The following GALNT14 variants were observed in gnomAD, a reference collection of about 807,000 sequenced individuals.
GALNT14 encodes the protein polypeptide N-acetylgalactosaminyltransferase 14.
In GALNT14, 60 loss-of-function variants were observed where a neutral mutation model predicts 77.5. The ratio of observed to expected loss-of-function variants is 0.77; its 90% CI spans 0.63 to 0.96. The LOEUF is 0.96. Among genes scored for constraint, GALNT14 ranks in the 40% least tolerant of loss-of-function variants. GALNT14 has a pLI of 0.00. For synonymous variants in GALNT14, 280 were observed against 281.7 expected (o/e 0.99, Z 0.06); for missense variants, 710 against 731.0 (o/e 0.97, Z 0.33).
At chr2:31,074,491 C>T (rs13386542) in intron 1 of GALNT14, among the ~76,000 whole-genome samples, 9,496 of 151,880 alleles carry the variant, frequency 0.063, 315 homozygotes, top group South Asian at 0.085. Flanking sequence ...CTGGGCTGGG[C>T]GGGTTGATCT....
Position 30,958,396 on chromosome 2 carries a change from C to G in GALNT14, c.466+1G>C, listed in dbSNP as rs761904865. 1 of 1,612,500 alleles carries G rather than the reference C, an allele frequency of 6.2e-7. No individual in the cohort carries two copies. Among genetic ancestry groups the G allele is most frequent in the Admixed American group, 1.7e-5 (1 of 60,004 alleles). ...AAGAGCAAGTGAGCAACATGACTTA[C>G]GGTCATTGCTGAAGTCATCCACTAA... On this transcript the variant is annotated splice_donor_variant, in intron 4 of 14. Coordinates refer to ENST00000349752, the MANE Select transcript of GALNT14 (RefSeq NM_024572.4). LOFTEE classifies it high-confidence loss of function.
chr2:31,085,688 C>T (rs920300555), intron 1 of GALNT14, among the ~76,000 whole-genome samples: 1 of 152,224 alleles, frequency 6.6e-6, no homozygotes, highest in Admixed American at 6.5e-5. Context: ...TGCTGCACTG[C>T]GGGGACCCCT....
intron 2 of GALNT14, among the ~76,000 whole-genome samples, chr2:30,977,082 GC>G (rs1185114907): frequency 7.1e-6 from 1 of 140,454 alleles, no homozygotes; most frequent in Non-Finnish European, 1.5e-5. Context: ...TTCCATATTG[GC>G]TTTTCTGTCT....
chr2:30,926,560 T>G (rs1194913836), intron 11 of GALNT14, among the ~76,000 whole-genome samples: 1 of 152,202 alleles, frequency 6.6e-6, no homozygotes, highest in Non-Finnish European at 1.5e-5. Flanking sequence ...ATAGATATAG[T>G]GCTTAATGCC....
intron 1 of GALNT14, among the ~76,000 whole-genome samples, chr2:31,116,669 T>G (rs775742786): frequency 6.6e-6 from 1 of 152,136 alleles, no homozygotes; most frequent in African/African-American, 2.4e-5. Flanking sequence ...AAAAATGACA[T>G]AAACCAAGAA....
intron 1 of GALNT14, among the ~76,000 whole-genome samples, chr2:30,993,573 C>T (rs1255145402): frequency 3.3e-5 from 5 of 152,200 alleles, no homozygotes; most frequent in African/African-American, 1.2e-4. Flanking sequence ...TGCTACTCAC[C>T]ACCACCCTAT....
intron 6 of GALNT14, 86 bp downstream of exon 6, chr2:30,955,532 G>A (rs1667307796): frequency 2.6e-6 from 4 of 1,522,212 alleles, no homozygotes; most frequent in South Asian, 1.3e-5. Flanking sequence ...AGAACTGGGG[G>A]TTGCACATGT....
the GALNT14 span, among the ~76,000 whole-genome samples, chr2:30,892,068 C>T: frequency 6.6e-6 from 1 of 152,202 alleles, no homozygotes; most frequent in African/African-American, 2.4e-5. Context: ...TTCGATCACC[C>T]TATGGTTCAG....
chr2:30,969,735 A>G (rs565396371), intron 2 of GALNT14, among the ~76,000 whole-genome samples: 1 of 152,142 alleles, frequency 6.6e-6, no homozygotes, highest in East Asian at 1.9e-4. Context: ...GGCTTGGGGG[A>G]TCAGGATACC....
At chr2:31,082,497 C>T (rs986356737) in intron 1 of GALNT14, among the ~76,000 whole-genome samples, 1 of 152,154 alleles carries the variant, frequency 6.6e-6, no homozygotes, top group Admixed American at 6.5e-5. Flanking sequence ...GTTTCTAGAA[C>T]CAAAGGACTA....
At chr2:30,939,975 CT>C (rs1666281216) in intron 9 of GALNT14, among the ~76,000 whole-genome samples, 1 of 148,828 alleles carries the variant, frequency 6.7e-6, no homozygotes, top group Non-Finnish European at 1.5e-5. Flanking sequence ...TGGAAAAGCA[CT>C]GCATTTTCTG....
At chr2:31,021,529 G>A (rs546188816) in intron 1 of GALNT14, among the ~76,000 whole-genome samples, 31 of 152,040 alleles carry the variant, frequency 2.0e-4, no homozygotes, top group African/African-American at 6.8e-4. Flanking sequence ...TGGTCTTGAA[G>A]TTCTGATCCC....
chr2:31,026,923 C>T (rs978702550), intron 1 of GALNT14, among the ~76,000 whole-genome samples: 1 of 127,990 alleles, frequency 7.8e-6, no homozygotes, highest in Non-Finnish European at 1.7e-5. Flanking sequence ...GTACACTACA[C>T]AGCACGCATA....
At chr2:30,982,390 A>G (rs1288779614) in intron 2 of GALNT14, among the ~76,000 whole-genome samples, 1 of 152,262 alleles carries the variant, frequency 6.6e-6, no homozygotes, top group African/African-American at 2.4e-5. Context: ...TCTCGTCATA[A>G]AAGCCAAGCT....
chr2:30,966,774 G>A (rs139261123), intron 2 of GALNT14, among the ~76,000 whole-genome samples: 41 of 152,202 alleles, frequency 2.7e-4, no homozygotes, highest in Admixed American at 5.2e-4. Flanking sequence ...TTGTGCTGAC[G>A]CCCAGCCCCT....
Position 31,137,952 on chromosome 2 carries a change from G to C in GALNT14, c.129+6C>G. 4 of 1,608,982 alleles carry C rather than the reference G, an allele frequency of 2.5e-6. No homozygotes were observed. The highest frequency in any genetic ancestry group is 3.4e-6 in the Non-Finnish European group (4 of 1,177,604). Reference sequence around the variant, plus strand: ...CTCAGCGCCAGCGCGCCGGCAAGCCGCCTACCTTAGGGGTCTGCACTTCAG... The same window carrying C: ...CTCAGCGCCAGCGCGCCGGCAAGCCCCCTACCTTAGGGGTCTGCACTTCAG... On this transcript the variant is annotated splice_donor_region_variant and intron_variant, in intron 1 of 14. Transcript: ENST00000349752.
intron 9 of GALNT14, among the ~76,000 whole-genome samples, chr2:30,938,378 ACACACACT>A (rs1666183516): frequency 6.8e-6 from 1 of 146,252 alleles, no homozygotes; most frequent in Non-Finnish European, 1.5e-5. Flanking sequence ...ACACACACAC[ACACACACT>A]CTCTCTCTCT....
At chr2:30,953,305 CTTTTTTTTTTTTTT>C (rs34668885) in intron 6 of GALNT14, among the ~76,000 whole-genome samples, 1 of 117,112 alleles carries the variant, frequency 8.5e-6, no homozygotes, top group African/African-American at 3.6e-5. Flanking sequence ...AATTTCCTTC[CTTTTTTTTTTTTTT>C]TTTTTTTGAG....
intron 2 of GALNT14, among the ~76,000 whole-genome samples, chr2:30,970,518 G>A (rs80146583): frequency 0.012 from 1,899 of 152,256 alleles, 42 homozygotes; most frequent in African/African-American, 0.044. Flanking sequence ...GAGCCGGCCC[G>A]CACGCCAGGT....
Sources: gnomAD v4.1 joint callset for allele counts (sites outside exome capture counted in the v4.1 genomes callset) on GRCh38, gnomAD v4.1.1 for gene constraint, MANE v1.5 for transcripts, NCBI Gene and HGNC (gene_info 2026-07-23, HGNC 2026-07-21) for gene names.